PECAM1: variants seen among roughly 807,000 people sequenced by gnomAD.
PECAM1 encodes the protein platelet endothelial cell adhesion molecule.
PECAM1 carries 8 observed loss-of-function variants against 13.8 expected under a neutral mutation model. The observed-to-expected ratio is 0.58, with a 90% CI of 0.34 to 1.05. PECAM1 has a LOEUF of 1.05. PECAM1 is among the 50% of genes least tolerant of loss of function. The pLI is 0.03. For synonymous variants in PECAM1, 136 were observed against 52.6 expected, an observed-to-expected ratio of 2.58 and a Z score of -6.86; for missense variants, 304 against 141.2, an observed-to-expected ratio of 2.15 and a Z score of -5.84.
At chr17:64,339,197 C>T (rs2035363990) in intron 14 of PECAM1, among the ~76,000 whole-genome samples, 1 of 152,080 alleles carries the variant, frequency 6.6e-6, no homozygotes, top group Non-Finnish European at 1.5e-5. Context: ...CCACCTTCTA[C>T]CACCCGACTT....
intron 12 of PECAM1, among the ~76,000 whole-genome samples, chr17:64,348,553 G>A (rs2035638252): frequency 1.3e-5 from 2 of 151,840 alleles, no homozygotes; most frequent in Non-Finnish European, 2.9e-5. Flanking sequence ...GATTACAGGT[G>A]TGCACCACCA....
intron 4 of PECAM1, among the ~76,000 whole-genome samples, chr17:64,373,960 C>T (rs1359041432): frequency 1.3e-5 from 2 of 152,168 alleles, no homozygotes; most frequent in African/African-American, 2.4e-5. Flanking sequence ...CTTCCCTCTG[C>T]TGTTGCCTCC....
intron 12 of PECAM1, among the ~76,000 whole-genome samples, chr17:64,349,385 C>A (rs1213749875): frequency 6.6e-6 from 1 of 151,516 alleles, no homozygotes; most frequent in African/African-American, 2.4e-5. Context: ...GTCAGGAGTT[C>A]GAGATCAGTC....
chr17:64,361,810 A>T (rs2035990089), intron 6 of PECAM1, among the ~76,000 whole-genome samples: 1 of 151,336 alleles, frequency 6.6e-6, no homozygotes, highest in African/African-American at 2.4e-5. Context: ...TCAGCCTCTT[A>T]ACAGATAAGA....
chr17:64,369,605 C>T (rs904849447), intron 5 of PECAM1, 145 bp downstream of exon 5: 5 of 396,716 alleles, frequency 1.3e-5, no homozygotes, highest in Admixed American at 8.8e-5. Context: ...TTTCTTCCCA[C>T]GAGCACCAAA....
At chr17:64,355,930 C>T (rs2035835442) in intron 8 of PECAM1, among the ~76,000 whole-genome samples, 181 bp downstream of exon 8, 1 of 152,058 alleles carries the variant, frequency 6.6e-6, no homozygotes, top group African/African-American at 2.4e-5. Flanking sequence ...ATCGATTTCT[C>T]TTTTTTACTT....
chr17:64,366,184 A>T (rs1440795675), intron 5 of PECAM1, among the ~76,000 whole-genome samples: 1 of 143,466 alleles, frequency 7.0e-6, no homozygotes, highest in Non-Finnish European at 1.5e-5. Context: ...GACACTTCTC[A>T]AAAGAAGACA....
In PECAM1 at chr17:64,363,335, T is replaced by A. The variant is rs2036029097; in HGVS notation, c.1030A>T (p.Asn344Tyr). The change falls in exon 6 of 16, where the codon AAC becomes TAC. Residue 344 changes from asparagine (N) to tyrosine (Y), a missense_variant. Coordinates refer to ENST00000563924, the MANE Select transcript of PECAM1 (RefSeq NM_000442.5). ...GCTCCTGGGATGGAGCAGGACAGGT[T>A]CAGTCTTTCACCTTGGTCCAGATGT... ...FTHLDQGERL[N>Y]LSCSIPGAPP... 1 of 475,256 alleles carries A rather than the reference T, an allele frequency of 2.1e-6. No individual in the cohort carries two copies. Among genetic ancestry groups the A allele is most frequent in the Non-Finnish European group, 3.9e-6 (1 of 259,064 alleles). 29.4% of individuals were successfully genotyped at this position (475,256 alleles called of 1,614,324 possible).
At chr17:64,334,121 TAAAAA>T (rs1182996970) in intron 14 of PECAM1, among the ~76,000 whole-genome samples, 1 of 121,152 alleles carries the variant, frequency 8.3e-6, no homozygotes, top group Non-Finnish European at 1.7e-5. Flanking sequence ...ATACAACAAT[TAAAAA>T]AAAAAAAAAA....
intron 14 of PECAM1, among the ~76,000 whole-genome samples, chr17:64,332,479 G>C (rs2035151776): frequency 6.6e-6 from 1 of 152,190 alleles, no homozygotes; most frequent in Non-Finnish European, 1.5e-5. Flanking sequence ...TGCAGTTCTT[G>C]TTTTTTTGGT....
chr17:64,384,631 T>A (rs1394314738), intron 2 of PECAM1, among the ~76,000 whole-genome samples: 2 of 151,820 alleles, frequency 1.3e-5, no homozygotes, highest in South Asian at 2.1e-4. Flanking sequence ...GCCACAGGAG[T>A]GAGCTTGGAA....
rs925993821 is a variant in PECAM1, at chr17:64,377,953, A to C, written c.256T>G (p.Ser86Ala). 1.5e-5 allele frequency: 7 copies of C among 475,180 alleles called. No homozygotes were observed. Among genetic ancestry groups the C allele is most frequent in the Non-Finnish European group, 2.7e-5 (7 of 259,054 alleles). The allele number at this position is 475,180 out of a possible 1,614,324, so 29.4% of individuals were successfully genotyped here. ...TAACTCTCTGTGCTCTTCATGGAGG[A>C]GATGTTGTAAAACAGCACGTCATCC... is the stretch of plus-strand genomic sequence containing the variant. ...YKDDVLFYNI[S>A]SMKSTESYFI... Residue 86 changes from serine to alanine, a missense_variant, in exon 3 of 16, where the codon TCC (serine) becomes GCC (alanine). Transcript: ENST00000563924.
In PECAM1 at chr17:64,326,102, G is replaced by A. The variant is rs530818898; in HGVS notation, c.2188-2257C>T. On this transcript the variant is annotated intron_variant, in intron 15 of 15. Coordinates refer to ENST00000563924, the MANE Select transcript of PECAM1 (RefSeq NM_000442.5). ...CCTAAAGATTGGATTTTGACAAATGGAAGGAGCCCTTGGAGGGAAAAAGAG... is the reference window on the plus strand; with the variant it reads ...CCTAAAGATTGGATTTTGACAAATGAAAGGAGCCCTTGGAGGGAAAAAGAG... Among the ~76,000 whole-genome samples, 3 of 152,298 alleles carry A rather than the reference G, an allele frequency of 2.0e-5. No individual in the cohort carries two copies. The East Asian group carries it at 5.8e-4, about 29-fold the overall frequency.
intron 4 of PECAM1, 169 bp from the exon 5 acceptor site, chr17:64,370,194 C>T: frequency 2.6e-6 from 1 of 391,800 alleles, no homozygotes; most frequent in Non-Finnish European, 4.5e-6. Flanking sequence ...TCTCATACTC[C>T]CTCCCTTCTC....
intron 4 of PECAM1, among the ~76,000 whole-genome samples, chr17:64,370,666 T>C (rs942308038): frequency 1.3e-5 from 2 of 152,160 alleles, no homozygotes; most frequent in African/African-American, 2.4e-5. Context: ...GGCAACATAG[T>C]GAGACCCTAT....
At chr17:64,371,791 C>G (rs1385548815) in intron 4 of PECAM1, among the ~76,000 whole-genome samples, 21 of 152,154 alleles carry the variant, frequency 1.4e-4, no homozygotes, top group Non-Finnish European at 2.9e-4. Context: ...GATTGCGCCA[C>G]TGCACTCCAG....
chr17:64,342,506 ACTGAGAACT>A (rs1338070349), intron 13 of PECAM1, among the ~76,000 whole-genome samples: 9 of 152,174 alleles, frequency 5.9e-5, no homozygotes, highest in African/African-American at 2.2e-4. Flanking sequence ...AATAGCTGGG[ACTGAGAACT>A]CTTACAGGGA....
intron 6 of PECAM1, among the ~76,000 whole-genome samples, chr17:64,361,129 A>ATGTG (rs145637288): frequency 0.27 from 37,456 of 136,926 alleles, 5,946 homozygotes; most frequent in East Asian, 0.36. Context: ...CTGAGCATAT[A>ATGTG]TGTGTGTGTG....
intron 13 of PECAM1, among the ~76,000 whole-genome samples, chr17:64,347,186 T>C (rs915910860): frequency 4.9e-4 from 74 of 152,174 alleles, no homozygotes; most frequent in African/African-American, 1.3e-3. Flanking sequence ...CAGGGCAACA[T>C]GGCGAAACCC....
Sources: gnomAD v4.1 joint callset for allele counts (sites outside exome capture counted in the v4.1 genomes callset) on GRCh38, gnomAD v4.1.1 for gene constraint, MANE v1.5 for transcripts, NCBI Gene and HGNC (gene_info 2026-07-23, HGNC 2026-07-21) for gene names.